PKD1: variants seen among roughly 807,000 people sequenced by gnomAD.
PKD1 encodes the protein polycystin 1, transient receptor potential channel interacting, also known as polycystin-1.
In PKD1, 81 loss-of-function variants were observed where a neutral mutation model predicts 361.7. That is an observed-to-expected ratio of 0.22 (90% CI 0.19 to 0.27). PKD1 has a LOEUF of 0.27. PKD1 is among the 10% of genes least tolerant of loss of function. The probability of loss-of-function intolerance (pLI) is 1.00; values close to 1 mark genes in which losing one functional copy is unlikely to be tolerated. For missense variants in PKD1, 6,399 were observed against 6,118.3 expected (o/e 1.05, Z -1.53); for synonymous variants, 3,615 against 2,818.3 (o/e 1.28, Z -8.95).
rs746756849 is a variant in PKD1 at position 2,089,943 on chromosome 16, G to A, written c.12696C>T (p.Ala4232=). Residue 4232 remains alanine, a synonymous_variant, in exon 46 of 46, where the codon GCC becomes GCT. Coordinates refer to ENST00000262304, the MANE Select transcript of PKD1 (RefSeq NM_001009944.3). ...GCTCCAGCTGGTAGACGTCCTCTGT[G>A]GCCTGGTTGAGTCGGTCAAACTGGG... ...LLTQFDRLNQ[A]TEDVYQLEQQ... is the part of the protein sequence containing the mutation. 4 of 1,612,310 alleles carry A rather than the reference G, an allele frequency of 2.5e-6. No individual in the cohort carries two copies. The highest frequency in any genetic ancestry group is 1.1e-5 in the South Asian group (1 of 90,990).
intron 34 of PKD1, 64 bp from the exon 35 acceptor site, chr16:2,094,274 T>C: frequency 1.9e-6 from 2 of 1,042,312 alleles, no homozygotes; most frequent in Non-Finnish European, 1.5e-6. Flanking sequence ...GCCAAGCCCA[T>C]GTTAACCTGG....
chr16:2,104,392 G>A (rs2092249717), intron 22 of PKD1, 106 bp downstream of exon 22: 2 of 642,224 alleles, frequency 3.1e-6, no homozygotes, highest in East Asian at 3.1e-5. Flanking sequence ...GAGGGGAGGG[G>A]GACGAAGATG....
intron 34 of PKD1, chr16:2,095,480 T>A (rs1329512282): frequency 2.0e-5 from 3 of 152,158 alleles, no homozygotes; most frequent in Non-Finnish European, 4.4e-5. Flanking sequence ...TGACTCAGGG[T>A]CTGACTCAGG....
chr16:2,101,985 G>A, intron 26 of PKD1, 76 bp downstream of exon 26: 3 of 891,364 alleles, frequency 3.4e-6, no homozygotes, highest in Non-Finnish European at 3.6e-6. Context: ...CCTGCGACGA[G>A]ACTCACTCCC....
At chr16:2,119,068 G>C (rs1343951118) in intron 3 of PKD1, 46 bp downstream of exon 3, 2 of 1,054,550 alleles carry the variant, frequency 1.9e-6, no homozygotes, top group African/African-American at 1.6e-5. Context: ...GGGATATTGG[G>C]GGCCTGGGGT....
At chr16:2,091,651 G>C (rs1050362263) in intron 41 of PKD1, 54 bp from the exon 42 acceptor site, 1 of 1,555,506 alleles carries the variant, frequency 6.4e-7, no homozygotes. Context: ...GAGCTGCGGG[G>C]ACCGCGCAGT....
chr16:2,104,573 G>A lies in PKD1; in HGVS notation c.8086C>T (p.Leu2696Phe), dbSNP rs143923681. Residue 2696 changes from leucine to phenylalanine, a missense_variant, in exon 22 of 46, where the codon CTC becomes TTC. Transcript: ENST00000262304. ...QTLHKLEAMMLILQAETTAGT... is the reference protein window; with the variant it reads ...QTLHKLEAMMFILQAETTAGT... ...GCGGTGGTCTCTGCCTGCAGGATGA[G>A]CATCATGGCCTCCAGCTTGTGCAGC... 29 of 1,601,132 alleles carry A rather than the reference G, an allele frequency of 1.8e-5. No homozygotes were observed. The highest frequency in any genetic ancestry group is 3.3e-5 in the South Asian group (3 of 89,866).
rs1391258298 is a variant in PKD1, at chr16:2,101,829, G to A, written c.9397+232C>T. ...GTGGGGCCACGCTACTGTGCAGAAC[G>A]TGGGCTGCCCACCCTGACTGACTGG... On this transcript the variant is annotated intron_variant, in intron 26 of 45. Coordinates refer to ENST00000262304, the MANE Select transcript of PKD1 (RefSeq NM_001009944.3). The A allele has an allele frequency of 1.8e-5, 11 of 612,972 alleles. No homozygotes were observed. The East Asian group carries it at 2.5e-4, about 14-fold the overall frequency. 38.0% of individuals were successfully genotyped at this position (612,972 alleles called of 1,614,324 possible).
rs1019877473 is a variant in PKD1, at chr16:2,100,982, G to A, written c.9398-416C>T. 1.4e-4 allele frequency among the ~76,000 whole-genome samples: 21 copies of A among 152,022 alleles called. No homozygotes were observed. Among genetic ancestry groups the A allele is most frequent in the African/African-American group, 4.8e-4 (20 of 41,392 alleles). On this transcript the variant is annotated intron_variant, in intron 26 of 45. Transcript: ENST00000262304. This position sits in a 1 kb window ranked among gnomAD's most constrained non-coding sequence, Gnocchi z 4.4. ...CTCCCAGTGACAGACCCAGGTGACA[G>A]TATTTTTTTTCTTTTTTTTTTGAGA...
chr16:2,097,668 C>G, intron 32 of PKD1, 60 bp downstream of exon 32: 1 of 1,610,758 alleles, frequency 6.2e-7, no homozygotes, highest in East Asian at 2.2e-5. Flanking sequence ...GCCCGCACAC[C>G]CCCGGCACCC....
At chr16:2,104,387 G>T in intron 22 of PKD1, 111 bp downstream of exon 22, 1 of 612,624 alleles carries the variant, frequency 1.6e-6, no homozygotes, top group African/African-American at 2.6e-5. Context: ...GGGGGGAGGG[G>T]AGGGGGACGA....
intron 1 of PKD1, among the ~76,000 whole-genome samples, chr16:2,124,303 C>T (rs1596607903): frequency 6.6e-6 from 1 of 152,220 alleles, no homozygotes; most frequent in East Asian, 1.9e-4. Flanking sequence ...GTGTGAACCC[C>T]AGGTCGGGCC....
intron 26 of PKD1, among the ~76,000 whole-genome samples, chr16:2,101,742 T>C (rs563445634): frequency 6.6e-6 from 1 of 152,386 alleles, no homozygotes; most frequent in Non-Finnish European, 1.5e-5. Flanking sequence ...AGACGAGCTA[T>C]GCAGTCAGGA....
At chr16:2,132,341 G>A (rs1035546513) in intron 1 of PKD1, among the ~76,000 whole-genome samples, 20 of 151,650 alleles carry the variant, frequency 1.3e-4, no homozygotes, top group African/African-American at 4.4e-4. Flanking sequence ...AGGCCGAGGT[G>A]GGCAGATCAC....
chr16:2,091,606 AGG>A lies in PKD1; in HGVS notation c.11538-11_11538-10del. ...GGAACACAGCGCGGCTCCTGCGCAG[AGG>A]GTGCGGGTCAGTAGGAGCGGGTGGC... On this transcript the variant is annotated splice_polypyrimidine_tract_variant and intron_variant, in intron 41 of 45. Coordinates refer to ENST00000262304, the MANE Select transcript of PKD1 (RefSeq NM_001009944.3). 1 of 1,559,828 alleles carries A rather than the reference AGG, an allele frequency of 6.4e-7. No homozygotes were observed. Among genetic ancestry groups the A allele is most frequent in the Non-Finnish European group, 8.6e-7 (1 of 1,161,266 alleles).
chr16:2,094,547 G>C (rs966180779), intron 34 of PKD1, among the ~76,000 whole-genome samples: 5 of 152,220 alleles, frequency 3.3e-5, no homozygotes. Flanking sequence ...TGCAAACTAT[G>C]ATTGGGTCTC....
At chr16:2,104,230 A>G (rs2092237166) in intron 22 of PKD1, among the ~76,000 whole-genome samples, 3 of 31,110 alleles carry the variant, frequency 9.6e-5, no homozygotes, top group African/African-American at 5.1e-4. Flanking sequence ...GAGGGGGATG[A>G]GGAAGATGAG....
In PKD1 at chr16:2,111,640, G is replaced by A; in HGVS notation, c.3527C>T (p.Ala1176Val). 1 of 1,573,822 alleles carries A rather than the reference G, an allele frequency of 6.4e-7. No homozygotes were observed. The highest frequency in any genetic ancestry group is 8.6e-7 in the Non-Finnish European group (1 of 1,161,072). ...GSPVLTQSQP[A>V]ANHTYASRGT... Reference sequence around the variant, plus strand: ...CCTCGAGGCATAGGTGTGGTTGGCAGCCGGCTGGCTCTGGGTCAGGACAGG... The same window carrying A: ...CCTCGAGGCATAGGTGTGGTTGGCAACCGGCTGGCTCTGGGTCAGGACAGG... The change falls in exon 15 of 46, where the codon GCT becomes GTT. Residue 1176 changes from alanine (A) to valine (V), a missense_variant. Physicochemically the swap from Ala to Val is moderately conservative, Grantham distance 64. Transcript: ENST00000262304.
In PKD1 at chr16:2,110,490, C is replaced by T. The variant is rs576946455; in HGVS notation, c.4677G>A (p.Val1559=). Residue 1559 remains valine, a synonymous_variant, in exon 15 of 46, where the codon GTG becomes GTA. Transcript: ENST00000262304. ...AGCTCACGCTCCCATTCAGGGGCAC[C>T]ACCGTGCGGCTTGCATTGACGACGA... is the stretch of plus-strand genomic sequence containing the variant. ...RGLVVNASRT[V]VPLNGSVSFS... is the part of the protein sequence containing the mutation. 5.1e-5 allele frequency: 83 copies of T among 1,612,396 alleles called. 1 individual carries two copies. The South Asian group carries it at 6.4e-4, about 12-fold the overall frequency.
Sources: allele counts gnomAD v4.1 joint callset (sites outside exome capture counted in the v4.1 genomes callset), GRCh38; gene constraint gnomAD v4.1.1; non-coding constraint Gnocchi (gnomAD v3.1); transcripts MANE v1.5; gene names NCBI Gene and HGNC (gene_info 2026-07-23, HGNC 2026-07-21).